The following SCYL3 variants were observed in gnomAD, a reference collection of about 807,000 sequenced individuals.
SCYL3 encodes the protein protein-associating with the carboxyl-terminal domain of ezrin.
A neutral mutation model predicts 73.8 loss-of-function variants in SCYL3; 35 were observed. That is an observed-to-expected ratio of 0.47 (90% CI 0.36 to 0.63). The LOEUF (loss-of-function observed/expected upper bound fraction) is 0.63, where lower values mean the gene tolerates loss of function less well. SCYL3 is among the 20% of genes least tolerant of loss of function. SCYL3 has a pLI of 0.00. For synonymous variants in SCYL3, 277 were observed against 295.2 expected (o/e 0.94, Z 0.63); for missense variants, 712 against 798.9 (o/e 0.89, Z 1.31).
chr1:169,857,503 C>T (rs12044536), intron 11 of SCYL3, among the ~76,000 whole-genome samples: 6,394 of 152,174 alleles, frequency 0.042, 395 homozygotes, highest in African/African-American at 0.13. Flanking sequence ...GAAAGATACA[C>T]GTGTAAAGAT....
At chr1:169,889,638 T>C (rs929008805) in intron 1 of SCYL3, among the ~76,000 whole-genome samples, 1 of 152,090 alleles carries the variant, frequency 6.6e-6, no homozygotes, top group African/African-American at 2.4e-5. Flanking sequence ...AATGCAACTA[T>C]GACAAAATAC....
At chr1:169,855,399 G>C (rs931712112) in intron 11 of SCYL3, among the ~76,000 whole-genome samples, 2 of 152,140 alleles carry the variant, frequency 1.3e-5, no homozygotes, top group African/African-American at 4.8e-5. Flanking sequence ...TAGTAGTTAA[G>C]GCACTGAGAG....
intron 1 of SCYL3, among the ~76,000 whole-genome samples, chr1:169,889,659 AC>A (rs2102218331): frequency 6.6e-6 from 1 of 152,328 alleles, no homozygotes; most frequent in East Asian, 1.9e-4. Context: ...TTCAGTGCTC[AC>A]CTAGTGAAGG....
At position 169,854,605 on chromosome 1, in the gene SCYL3, A is replaced by ACT; in HGVS notation, c.1670_1671dup (p.Met559LeufsTer44). On this transcript the variant is annotated frameshift_variant, in exon 12 of 13. Coordinates refer to ENST00000367771, the MANE Select transcript of SCYL3 (RefSeq NM_020423.7). LOFTEE classifies it high-confidence loss of function. ...GGTAAGCTTGATTTCCAAGGCATAGACTCTTCAGTGAGTGAAAGCAAAGCA... is the reference window on the plus strand; with the variant it reads ...GGTAAGCTTGATTTCCAAGGCATAGACTCTCTTCAGTGAGTGAAAGCAAAGCA... 2 of 1,613,714 alleles carry ACT rather than the reference A, an allele frequency of 1.2e-6. No individual in the cohort carries two copies. Among genetic ancestry groups the ACT allele is most frequent in the Non-Finnish European group, 1.7e-6 (2 of 1,179,926 alleles).
intron 9 of SCYL3, among the ~76,000 whole-genome samples, chr1:169,863,681 T>A (rs1659825546): frequency 6.6e-6 from 1 of 152,164 alleles, no homozygotes; most frequent in Non-Finnish European, 1.5e-5. Flanking sequence ...CACACCCCTA[T>A]GTAAGACCTA....
chr1:169,853,816 A>G (rs749260816), intron 12 of SCYL3, 44 bp from the exon 13 acceptor site: 3 of 1,588,746 alleles, frequency 1.9e-6, no homozygotes, highest in African/African-American at 2.7e-5. Context: ...GAAACAAATC[A>G]TATGCAAAAA....
intron 2 of SCYL3, among the ~76,000 whole-genome samples, chr1:169,882,773 T>A (rs571252727): frequency 7.9e-5 from 12 of 152,182 alleles, no homozygotes; most frequent in Non-Finnish European, 1.8e-4. Context: ...GTGTCCACAC[T>A]CTGTATCTAG....
chr1:169,858,427 T>C (rs994500091), intron 11 of SCYL3, among the ~76,000 whole-genome samples: 14 of 152,320 alleles, frequency 9.2e-5, no homozygotes, highest in African/African-American at 3.4e-4. Context: ...CTGATAACAA[T>C]GCCTTCTTCT....
intron 2 of SCYL3, among the ~76,000 whole-genome samples, chr1:169,888,381 T>C (rs1297562309): frequency 1.3e-5 from 2 of 152,224 alleles, no homozygotes; most frequent in Non-Finnish European, 2.9e-5. Flanking sequence ...TCCTTATATC[T>C]TATATTAGCT....
intron 2 of SCYL3, among the ~76,000 whole-genome samples, chr1:169,880,100 C>G (rs1442056687): frequency 6.6e-6 from 1 of 151,744 alleles, no homozygotes; most frequent in East Asian, 1.9e-4. Flanking sequence ...AAATCTCCAT[C>G]TCATAAAGAA....
rs774973457 is a variant in SCYL3, at chr1:169,851,989, T to C, written c.*1724A>G. On this transcript the variant is annotated 3_prime_UTR_variant, in exon 13 of 13. Coordinates refer to ENST00000367771, the MANE Select transcript of SCYL3 (RefSeq NM_020423.7). ...ACTTTAACAAGGCAAATTCTGCCCT[T>C]TTTACTTACTGACGAAACAAACCAG... 1 of 1,612,834 alleles carries C rather than the reference T, an allele frequency of 6.2e-7. No homozygotes were observed. Among genetic ancestry groups the C allele is most frequent in the Non-Finnish European group, 8.5e-7 (1 of 1,179,384 alleles).
In SCYL3 at chr1:169,853,067, A is replaced by G; in HGVS notation, c.*646T>C. 2.1e-6 allele frequency: 3 copies of G among 1,411,414 alleles called. No individual in the cohort carries two copies. Among genetic ancestry groups the G allele is most frequent in the Non-Finnish European group, 3.0e-6 (3 of 1,016,422 alleles). 87.4% of individuals were successfully genotyped at this position (1,411,414 alleles called of 1,614,324 possible). A position where few individuals can be genotyped will look rare whatever the true frequency, so the allele number is the denominator to read the frequency against. On this transcript the variant is annotated 3_prime_UTR_variant, in exon 13 of 13. Coordinates refer to ENST00000367771, the MANE Select transcript of SCYL3 (RefSeq NM_020423.7). ...GTCTGTACATTTTCTAACAGATATA[A>G]AACAAATTTTGTAAAGTTGAATCTA... is the stretch of plus-strand genomic sequence containing the variant.
At chr1:169,880,124 A>G (rs1198667283) in intron 2 of SCYL3, among the ~76,000 whole-genome samples, 3 of 151,988 alleles carry the variant, frequency 2.0e-5, no homozygotes, top group African/African-American at 7.2e-5. Context: ...TTAAGAAAGA[A>G]AAAAAAGAGA....
rs1658637725 is a variant in SCYL3 at position 169,853,118 on chromosome 1, T to TA, written c.*594dup. On this transcript the variant is annotated 3_prime_UTR_variant, in exon 13 of 13. Transcript: ENST00000367771. ...GTGAAAATAATCTTTATTTGACATT[T>TA]AGAGAACAGGATTGTGGGGAATATT... 4.7e-6 allele frequency: 4 copies of TA among 854,954 alleles called. No individual in the cohort carries two copies. Among genetic ancestry groups the TA allele is most frequent in the Non-Finnish European group, 7.3e-6 (4 of 547,276 alleles). The allele number at this position is 854,954 out of a possible 1,614,324, so 53.0% of individuals were successfully genotyped here.
At position 169,853,227 on chromosome 1, in the gene SCYL3, G is replaced by A; in HGVS notation, c.*486C>T. The stretch of plus-strand genomic sequence containing the variant: ...CCACAAAGAACCATTTACTCAGATA[G>A]TCTAACTGTAAACAAATAAATAAGC... On this transcript the variant is annotated 3_prime_UTR_variant, in exon 13 of 13. Transcript: ENST00000367771. 1 of 498,294 alleles carries A rather than the reference G, an allele frequency of 2.0e-6. No individual in the cohort carries two copies. Among genetic ancestry groups the A allele is most frequent in the South Asian group, 3.0e-5 (1 of 33,272 alleles). 30.9% of individuals were successfully genotyped at this position (498,294 alleles called of 1,614,324 possible). A position where few individuals can be genotyped will look rare whatever the true frequency, so the allele number is the denominator to read the frequency against.
At chr1:169,872,712 C>T (rs566751274) in intron 5 of SCYL3, among the ~76,000 whole-genome samples, 11 of 152,336 alleles carry the variant, frequency 7.2e-5, no homozygotes, top group Non-Finnish European at 1.0e-4. Context: ...GGGAACCCAC[C>T]GCTTGCATCA....
intron 5 of SCYL3, among the ~76,000 whole-genome samples, chr1:169,871,479 G>C (rs1660392423): frequency 6.6e-6 from 1 of 152,178 alleles, no homozygotes; most frequent in South Asian, 2.1e-4. Context: ...GCCCAGTCTT[G>C]GGTATGTCTT....
chr1:169,881,234 G>A (rs913897630), intron 2 of SCYL3, among the ~76,000 whole-genome samples: 3 of 152,122 alleles, frequency 2.0e-5, no homozygotes, highest in Non-Finnish European at 4.4e-5. Flanking sequence ...TACGTTTTAT[G>A]TGACATAGTA....
Position 169,854,775 on chromosome 1 carries a change from T to G in SCYL3, c.1502A>C (p.Asp501Ala). 1 of 1,614,036 alleles carries G rather than the reference T, an allele frequency of 6.2e-7. No individual in the cohort carries two copies. The highest frequency in any genetic ancestry group is 8.5e-7 in the Non-Finnish European group (1 of 1,179,938). ...IQIWPREPCD[D>A]VKSQCTTLDV... The stretch of plus-strand genomic sequence containing the variant: ...CAAGGTAGTGCACTGGGACTTGACA[T>G]CATCACAAGGTTCTCTAGGCCAAAT... Residue 501 changes from aspartate (D) to alanine (A), a missense_variant, in exon 12 of 13, where the codon GAT (aspartate) becomes GCT (alanine). Asp to Ala is a moderately radical substitution (Grantham distance 126). This residue lies in a region of SCYL3 where 370 missense variants were observed against 350.8 expected (regional missense o/e 1.05). Transcript: ENST00000367771.
Sources: gnomAD v4.1 joint callset for allele counts (sites outside exome capture counted in the v4.1 genomes callset) on GRCh38, gnomAD v4.1.1 for gene constraint, gnomAD v4.1.1 regional missense constraint, MANE v1.5 for transcripts, NCBI Gene and HGNC (gene_info 2026-07-23, HGNC 2026-07-21) for gene names.